The following TOGARAM2 variants were observed in gnomAD, a reference collection of about 807,000 sequenced individuals.
TOGARAM2 encodes TOG array regulator of axonemal microtubules 2, also known as TOG array regulator of axonemal microtubules protein 2.
In TOGARAM2, 85 loss-of-function variants were observed where a neutral mutation model predicts 93.3. The ratio of observed to expected loss-of-function variants is 0.91; its 90% CI spans 0.76 to 1.09. The LOEUF (loss-of-function observed/expected upper bound fraction) is 1.09. Among genes scored for constraint, TOGARAM2 ranks in the 50% least tolerant of loss-of-function variants. The probability of loss-of-function intolerance (pLI) is 0.00; values close to 1 mark genes in which losing one functional copy is unlikely to be tolerated. For synonymous variants in TOGARAM2, 593 were observed against 552.8 expected, an observed-to-expected ratio of 1.07 and a Z score of -1.02; for missense variants, 1,277 against 1,334.5, an observed-to-expected ratio of 0.96 and a Z score of 0.67.
rs57949744 is a variant in TOGARAM2, at chr2:28,983,198, A to ATTTTTTT, written c.-111+1682_-111+1688dup. Among the ~76,000 whole-genome samples, 3 of 56,626 alleles carry ATTTTTTT rather than the reference A, an allele frequency of 5.3e-5. 1 individual carries two copies. The highest frequency in any genetic ancestry group is 2.5e-4 in the African/African-American group (3 of 12,012). The allele number at this position is 56,626 out of a possible 152,430, so 37.1% of individuals were successfully genotyped here. On this transcript the variant is annotated intron_variant, in intron 1 of 19. Coordinates refer to ENST00000379558, the MANE Select transcript of TOGARAM2 (RefSeq NM_199280.4). ...TATAAATATATATATATATATATAT[A>ATTTTTTT]TTTTTTTTTTTTTTTTTTTTTTTTT...
chr2:28,995,105 T>C (rs1441466948), intron 2 of TOGARAM2, among the ~76,000 whole-genome samples: 1 of 152,198 alleles, frequency 6.6e-6, no homozygotes, highest in African/African-American at 2.4e-5. Context: ...CTGAGCTTTA[T>C]CTCCACTCTC....
chr2:29,023,028 AG>A (rs1156746741), intron 11 of TOGARAM2, 57 bp from the exon 12 acceptor site: 14 of 1,483,434 alleles, frequency 9.4e-6, no homozygotes, highest in Non-Finnish European at 1.2e-5. Flanking sequence ...TAGTCTGCAG[AG>A]GGGTGGGGCT....
chr2:28,991,635 G>A (rs1572645582), intron 1 of TOGARAM2, among the ~76,000 whole-genome samples: 1 of 152,346 alleles, frequency 6.6e-6, no homozygotes, highest in East Asian at 1.9e-4. Flanking sequence ...GGTGGGATGA[G>A]TCTGCCCAGC....
intron 1 of TOGARAM2, among the ~76,000 whole-genome samples, chr2:28,967,326 A>G (rs3923709): frequency 0.16 from 24,527 of 152,062 alleles, 2,865 homozygotes; most frequent in East Asian, 0.59. Context: ...AATAAAAAAA[A>G]TAGCCATGCA....
chr2:28,983,179 T>TATATATAA (rs1672291071), intron 1 of TOGARAM2, among the ~76,000 whole-genome samples: 2 of 41,998 alleles, frequency 4.8e-5, no homozygotes, highest in African/African-American at 1.5e-4. Flanking sequence ...TATATATAAA[T>TATATATAA]ATATATATAT....
intron 6 of TOGARAM2, 48 bp downstream of exon 6, chr2:29,003,730 C>T (rs758777502): frequency 9.2e-6 from 13 of 1,411,336 alleles, no homozygotes; most frequent in South Asian, 3.1e-5. Flanking sequence ...CTCCCTCTGT[C>T]CCCCTGAGAT....
At chr2:28,972,066 A>G (rs761010258) in intron 1 of TOGARAM2, among the ~76,000 whole-genome samples, 2 of 152,178 alleles carry the variant, frequency 1.3e-5, no homozygotes, top group Non-Finnish European at 2.9e-5. Context: ...GTAAGAAATG[A>G]GTTCAGTATT....
chr2:28,962,164 T>C (rs1671811677), intron 1 of TOGARAM2, among the ~76,000 whole-genome samples: 1 of 152,026 alleles, frequency 6.6e-6, no homozygotes, highest in South Asian at 2.1e-4. Context: ...ATATACACTA[T>C]ATATACATAC....
At chr2:29,024,964 T>C (rs143619889) in intron 13 of TOGARAM2, among the ~76,000 whole-genome samples, 20 of 152,300 alleles carry the variant, frequency 1.3e-4, no homozygotes, top group African/African-American at 4.8e-4. Context: ...CAGATTTGTT[T>C]TCCCTGTCAT....
chr2:28,965,473 G>A (rs141208717), intron 1 of TOGARAM2, among the ~76,000 whole-genome samples: 9 of 152,180 alleles, frequency 5.9e-5, no homozygotes, highest in East Asian at 3.9e-4. Flanking sequence ...CATGTGCGTC[G>A]CCATGTGCAT....
intron 1 of TOGARAM2, among the ~76,000 whole-genome samples, chr2:28,991,035 TGTGTG>T (rs1486709508): frequency 3.8e-4 from 50 of 132,722 alleles, no homozygotes; most frequent in African/African-American, 1.4e-3. Flanking sequence ...TGTGTGTGTG[TGTGTG>T]GCTTTTCCCC....
chr2:29,033,630 A>T, intron 16 of TOGARAM2, 67 bp downstream of exon 16: 1 of 1,503,072 alleles, frequency 6.7e-7, no homozygotes, highest in Non-Finnish European at 9.1e-7. Context: ...CTGCTTGTCC[A>T]TGGCCAGGGG....
upstream of TOGARAM2, among the ~76,000 whole-genome samples, chr2:28,979,606 C>T (rs1672098794): frequency 1.3e-5 from 2 of 152,204 alleles, no homozygotes; most frequent in Non-Finnish European, 2.9e-5. Context: ...GGCTGTGCTG[C>T]CTCCTGTGTC....
At chr2:28,971,502 ACGACCAG>A (rs2148222539) in intron 1 of TOGARAM2, among the ~76,000 whole-genome samples, 1 of 152,242 alleles carries the variant, frequency 6.6e-6, no homozygotes, top group African/African-American at 2.4e-5. Flanking sequence ...GTGGGTCACC[ACGACCAG>A]CCGGTAATGT....
chr2:29,043,966 G>A (rs1666587967), intron 18 of TOGARAM2, among the ~76,000 whole-genome samples: 1 of 152,216 alleles, frequency 6.6e-6, no homozygotes, highest in Non-Finnish European at 1.5e-5. Flanking sequence ...ATATGAAGGA[G>A]CCAGACAGCC....
chr2:28,974,303 TTTTCAGTAGAAACAGGG>T (rs1207109971), intron 1 of TOGARAM2, among the ~76,000 whole-genome samples: 1 of 151,892 alleles, frequency 6.6e-6, no homozygotes, highest in African/African-American at 2.4e-5. Context: ...AATTTTTTTG[TTTTCAGTAGAAACAGGG>T]TTTCACCATG....
chr2:29,046,144 A>G (rs1459021958), intron 19 of TOGARAM2: 4 of 152,432 alleles, frequency 2.6e-5, no homozygotes, highest in African/African-American at 9.6e-5. Context: ...CCTTAGCCTG[A>G]GTCTACTCAG....
intron 1 of TOGARAM2, among the ~76,000 whole-genome samples, chr2:28,973,177 A>G (rs1424249603): frequency 6.6e-6 from 1 of 152,128 alleles, no homozygotes; most frequent in Non-Finnish European, 1.5e-5. Flanking sequence ...ATTTCAACAC[A>G]GATTTGGCAT....
chr2:29,014,825 T>G (rs1664459461), intron 8 of TOGARAM2, among the ~76,000 whole-genome samples: 1 of 147,898 alleles, frequency 6.8e-6, no homozygotes. Flanking sequence ...GCTGAAGGGG[T>G]AGGAGGGAGG....
Sources: allele counts gnomAD v4.1 joint callset (sites outside exome capture counted in the v4.1 genomes callset), GRCh38; gene constraint gnomAD v4.1.1; transcripts MANE v1.5; gene names NCBI Gene and HGNC (gene_info 2026-07-23, HGNC 2026-07-21).